RAI14: variants seen among roughly 807,000 people sequenced by gnomAD.
The protein encoded by RAI14 is retinoic acid induced 14.
A neutral mutation model predicts 115.4 loss-of-function variants in RAI14; 45 were observed. That is an observed-to-expected ratio of 0.39 (90% confidence interval 0.31 to 0.50). The LOEUF (loss-of-function observed/expected upper bound fraction) is 0.50, where lower values mean the gene tolerates loss of function less well. Among genes scored for constraint, RAI14 ranks in the 20% least tolerant of loss-of-function variants. RAI14 has a pLI of 0.85. For missense variants in RAI14, 939 were observed against 1,131.2 expected (o/e 0.83, Z 2.44); for synonymous variants, 371 against 415.4 (o/e 0.89, Z 1.30).
intron 3 of RAI14, among the ~76,000 whole-genome samples, chr5:34,765,879 G>T (rs1290840886): frequency 6.6e-6 from 1 of 152,240 alleles, no homozygotes; most frequent in Non-Finnish European, 1.5e-5. Flanking sequence ...CATGGTCCCT[G>T]TGCTGTGTGC....
intron 1 of RAI14, among the ~76,000 whole-genome samples, chr5:34,683,844 T>C (rs372941940): frequency 4.5e-4 from 69 of 152,140 alleles, no homozygotes; most frequent in South Asian, 2.5e-3. Flanking sequence ...TCTCCTGCCT[T>C]AGCCTCCCGA....
intron 1 of RAI14, among the ~76,000 whole-genome samples, chr5:34,679,422 C>A (rs776229428): frequency 6.6e-6 from 1 of 151,362 alleles, no homozygotes; most frequent in Non-Finnish European, 1.5e-5. Flanking sequence ...CCTGACCCTG[C>A]TAGGATGGTC....
At chr5:34,756,837 T>C (rs1747947144) in intron 2 of RAI14, among the ~76,000 whole-genome samples, 2 of 152,356 alleles carry the variant, frequency 1.3e-5, no homozygotes, top group East Asian at 1.9e-4. Context: ...GGGTTTGGCA[T>C]TGACAGTGAT....
intron 3 of RAI14, among the ~76,000 whole-genome samples, chr5:34,773,297 T>G (rs1750423341): frequency 6.6e-6 from 1 of 152,164 alleles, no homozygotes; most frequent in Non-Finnish European, 1.5e-5. Flanking sequence ...GACCTGAAAC[T>G]GTAAAACTAC....
chr5:34,811,661 T>A, intron 8 of RAI14, 106 bp from the exon 9 acceptor site: 1 of 1,004,234 alleles, frequency 1.0e-6, no homozygotes. Flanking sequence ...TAATAAAGGT[T>A]TAACTGCACT....
At chr5:34,660,770 G>A (rs1742626896) in intron 1 of RAI14, among the ~76,000 whole-genome samples, 1 of 150,208 alleles carries the variant, frequency 6.7e-6, no homozygotes, top group South Asian at 2.1e-4. Context: ...CAAATTGCTG[G>A]GCACATTCTT....
chr5:34,715,157 A>T (rs961163674), intron 2 of RAI14, among the ~76,000 whole-genome samples: 1 of 152,138 alleles, frequency 6.6e-6, no homozygotes, highest in Non-Finnish European at 1.5e-5. Flanking sequence ...TGGGGCTGCT[A>T]CCTTTATGGG....
intron 2 of RAI14, among the ~76,000 whole-genome samples, chr5:34,697,388 A>T (rs904490627): frequency 1.8e-4 from 27 of 151,382 alleles, no homozygotes; most frequent in African/African-American, 6.1e-4. Flanking sequence ...GTGACCCAAG[A>T]TCGTGCCATT....
intron 3 of RAI14, among the ~76,000 whole-genome samples, chr5:34,787,736 T>A (rs1752461637): frequency 6.6e-6 from 1 of 151,972 alleles, no homozygotes; most frequent in Non-Finnish European, 1.5e-5. Flanking sequence ...AAAATGGTGA[T>A]TTTTATGGTT....
chr5:34,797,107 C>A (rs914031028), intron 4 of RAI14, among the ~76,000 whole-genome samples: 10 of 152,144 alleles, frequency 6.6e-5, no homozygotes, highest in Non-Finnish European at 1.2e-4. Flanking sequence ...CCCAAAAGAC[C>A]AAAGCAACCA....
chr5:34,764,570 TCA>T (rs1199884298), intron 3 of RAI14, among the ~76,000 whole-genome samples: 13 of 150,234 alleles, frequency 8.7e-5, no homozygotes, highest in Non-Finnish European at 1.9e-4. Flanking sequence ...TCTCTCTCTC[TCA>T]CACACAAATA....
intron 2 of RAI14, among the ~76,000 whole-genome samples, chr5:34,747,288 A>G (rs1384692124): frequency 6.6e-6 from 1 of 152,196 alleles, no homozygotes; most frequent in Non-Finnish European, 1.5e-5. Context: ...GGTTATTGTA[A>G]AGGTTAAATT....
rs1279499918 is a variant in RAI14 at position 34,829,763 on chromosome 5, C to G, written c.2831C>G (p.Ser944Ter). 6.2e-7 allele frequency: 1 copy of G among 1,612,058 alleles called. No individual in the cohort carries two copies. Among genetic ancestry groups the G allele is most frequent in the Non-Finnish European group, 8.5e-7 (1 of 1,178,810 alleles). Residue 944 changes from serine (S) to a stop codon, truncating the protein, a stop_gained, in exon 17 of 18, where the codon TCA becomes TGA. Transcript: ENST00000265109. LOFTEE classifies it high-confidence loss of function. ...ECKKQHQEVISVYRMHLLYAV... is the reference protein window; with the variant it reads ...ECKKQHQEVI ...AAGAAACAACACCAGGAGGTCATAT[C>G]AGTTTACAGAATGCATCTTCTGTAT...
At chr5:34,745,751 G>A (rs1313195117) in intron 2 of RAI14, among the ~76,000 whole-genome samples, 1 of 152,088 alleles carries the variant, frequency 6.6e-6, no homozygotes, top group Admixed American at 6.5e-5. Flanking sequence ...TGGACCTTTG[G>A]AGCTGTTCAA....
chr5:34,792,725 C>T (rs938984197), intron 3 of RAI14, among the ~76,000 whole-genome samples: 5 of 152,206 alleles, frequency 3.3e-5, no homozygotes, highest in Non-Finnish European at 7.3e-5. Context: ...GTATTAGATG[C>T]ATGCAGTGTA....
intron 2 of RAI14, among the ~76,000 whole-genome samples, chr5:34,698,689 G>C (rs1335285283): frequency 6.6e-6 from 1 of 152,162 alleles, no homozygotes; most frequent in Admixed American, 6.5e-5. Context: ...GCAAATAACA[G>C]AAAATCAAGT....
intron 11 of RAI14, among the ~76,000 whole-genome samples, chr5:34,813,863 TA>T (rs889803280): frequency 1.3e-5 from 2 of 152,190 alleles, no homozygotes; most frequent in South Asian, 4.1e-4. Flanking sequence ...TATCTATTTT[TA>T]AAAAAACAGT....
chr5:34,805,709 T>C (rs1754805154), intron 5 of RAI14, among the ~76,000 whole-genome samples: 1 of 151,862 alleles, frequency 6.6e-6, no homozygotes, highest in Non-Finnish European at 1.5e-5. Flanking sequence ...GGCGTGGTGG[T>C]GCATGCCTGT....
At chr5:34,684,253 C>G (rs942557201) in intron 1 of RAI14, among the ~76,000 whole-genome samples, 1 of 152,210 alleles carries the variant, frequency 6.6e-6, no homozygotes, top group Non-Finnish European at 1.5e-5. Flanking sequence ...GGTTCTCTAA[C>G]TTCAGTGTGC....
Sources: gnomAD v4.1 joint callset for allele counts (sites outside exome capture counted in the v4.1 genomes callset) on GRCh38, gnomAD v4.1.1 for gene constraint, MANE v1.5 for transcripts, NCBI Gene and HGNC (gene_info 2026-07-23, HGNC 2026-07-21) for gene names.